DAB1: variants seen among roughly 807,000 people sequenced by gnomAD.
DAB1 encodes the protein DAB adaptor protein 1.
Under a neutral mutation model 64.6 loss-of-function variants are expected in DAB1, and 15 were observed. That is an observed-to-expected ratio of 0.23 (90% CI 0.16 to 0.36). DAB1 has a LOEUF of 0.36. Ranked by LOEUF, DAB1 falls within the 10% of genes least tolerant of loss-of-function variation. The pLI is 1.00. For synonymous variants in DAB1, 235 were observed against 251.9 expected (o/e 0.93, Z 0.64); for missense variants, 596 against 706.7 (o/e 0.84, Z 1.78).
rs186793990 is a variant in DAB1 at position 57,223,187 on chromosome 1, A to G, written c.67+67777T>C. ...CCAAAGGCAAGTGCTATTCAGATGT[A>G]TGATCAATGTGGTCATTTGTTAGAA... On this transcript the variant is annotated intron_variant, in intron 2 of 14. Coordinates refer to ENST00000371236, the MANE Select transcript of DAB1 (RefSeq NM_001365792.1). 2.8e-4 allele frequency among the ~76,000 whole-genome samples: 43 copies of G among 152,336 alleles called. No homozygotes were observed. The East Asian group carries it at 8.3e-3, about 29-fold the overall frequency.
chr1:57,143,228 C>G (rs771725729), intron 3 of DAB1, among the ~76,000 whole-genome samples: 1 of 152,138 alleles, frequency 6.6e-6, no homozygotes, highest in Non-Finnish European at 1.5e-5. Flanking sequence ...GTCCAACACC[C>G]CTGCAAGCCA....
chr1:57,526,569 CATT>C (rs1010748578), intron 7 of DAB1, among the ~76,000 whole-genome samples: 5 of 152,186 alleles, frequency 3.3e-5, no homozygotes, highest in African/African-American at 1.2e-4. Flanking sequence ...ACTTCCAAAG[CATT>C]ATAACTCTGA....
At chr1:57,871,993 T>C (rs1643959014) in intron 1 of DAB1, among the ~76,000 whole-genome samples, 1 of 152,162 alleles carries the variant, frequency 6.6e-6, no homozygotes, top group Non-Finnish European at 1.5e-5. Context: ...AGGTATTGTA[T>C]AGTCTCTAAG....
rs1005282422 is a variant in DAB1, at chr1:58,057,892, G to T, written n.387+92619C>A. Among the ~76,000 whole-genome samples the T allele has an allele frequency of 9.2e-5, 14 of 151,868 alleles. 1 individual carries two copies. The highest frequency in any genetic ancestry group is 3.4e-4 in the African/African-American group (14 of 41,424). On this transcript the variant is annotated intron_variant and non_coding_transcript_variant, in intron 5 of 20. Coordinates refer to the DAB1 transcript ENST00000485760. ...GCATCCTCTCACCTGTTTTCCACTT[G>T]ACCACCTCCTGCTTGCCATTCCTCC...
chr1:57,777,774 A>G (rs1649882156), intron 6 of DAB1, among the ~76,000 whole-genome samples: 1 of 151,872 alleles, frequency 6.6e-6, no homozygotes, highest in Non-Finnish European at 1.5e-5. Context: ...TACTGACTTA[A>G]TTTTTTCTGA....
At chr1:57,300,673 C>T (rs17115565) in intron 1 of DAB1, among the ~76,000 whole-genome samples, 2,456 of 152,208 alleles carry the variant, frequency 0.016, 55 homozygotes, top group African/African-American at 0.056. Context: ...GCGCTTGAAA[C>T]GGATGCTGTA....
At chr1:57,729,659 G>C (rs1251577401) in intron 6 of DAB1, among the ~76,000 whole-genome samples, 1 of 152,222 alleles carries the variant, frequency 6.6e-6, no homozygotes, top group Non-Finnish European at 1.5e-5. Context: ...GCAGGCAGGG[G>C]ACAAGTAGCT....
chr1:58,260,114 A>G (rs1375672475), intron 4 of DAB1, among the ~76,000 whole-genome samples: 1 of 152,078 alleles, frequency 6.6e-6, no homozygotes, highest in Non-Finnish European at 1.5e-5. Context: ...GCATTCCCTA[A>G]ATACAGAAGG....
At chr1:57,846,560 TTTACTCTGCTAAG>T in intron 1 of DAB1, among the ~76,000 whole-genome samples, 1 of 152,212 alleles carries the variant, frequency 6.6e-6, no homozygotes, top group East Asian at 1.9e-4. Context: ...CTCTGTGCTG[TTTACTCTGCTAAG>T]GTCTTTCCAT....
chr1:57,723,225 C>T (rs1333420665), intron 6 of DAB1, among the ~76,000 whole-genome samples: 2 of 152,168 alleles, frequency 1.3e-5, no homozygotes, highest in Admixed American at 6.5e-5. Context: ...TGTGTGACCA[C>T]GGGCAAGTTT....
Position 57,136,644 on chromosome 1 carries a change from G to A in DAB1, c.208-3C>T. ...GAACGAGCGCCAGCAACAACGCCCT[G>A]TTGAAAGGAAGAACATGGTTTTTAC... On this transcript the variant is annotated splice_polypyrimidine_tract_variant and splice_region_variant and intron_variant, in intron 3 of 14. Coordinates refer to ENST00000371236, the MANE Select transcript of DAB1 (RefSeq NM_001365792.1). The A allele has an allele frequency of 6.6e-7, 1 of 1,509,588 alleles. No homozygotes were observed. Among genetic ancestry groups the A allele is most frequent in the Non-Finnish European group, 9.0e-7 (1 of 1,112,880 alleles). 93.5% of individuals were successfully genotyped at this position (1,509,588 alleles called of 1,614,324 possible). A position where few individuals can be genotyped will look rare whatever the true frequency, so the allele number is the denominator to read the frequency against.
At chr1:57,284,091 A>C (rs980925231) in intron 2 of DAB1, among the ~76,000 whole-genome samples, 1 of 152,238 alleles carries the variant, frequency 6.6e-6, no homozygotes, top group African/African-American at 2.4e-5. Flanking sequence ...TTTAATGAGA[A>C]TCATCCTCAT....
At chr1:57,331,977 T>A (rs1303932586) in intron 1 of DAB1, among the ~76,000 whole-genome samples, 1 of 152,234 alleles carries the variant, frequency 6.6e-6, no homozygotes, top group Non-Finnish European at 1.5e-5. Context: ...TTTGTTTGTT[T>A]TTTAAAGACG....
chr1:57,949,564 ACAAT>A (rs1188542268), intron 5 of DAB1, among the ~76,000 whole-genome samples: 9 of 146,322 alleles, frequency 6.2e-5, no homozygotes, highest in African/African-American at 8.0e-5. Context: ...ACACACACAC[ACAAT>A]ATATATATAT....
At chr1:57,588,006 C>T (rs149571944) in intron 7 of DAB1, among the ~76,000 whole-genome samples, 14 of 152,286 alleles carry the variant, frequency 9.2e-5, no homozygotes, top group African/African-American at 3.1e-4. Context: ...CACTTTGTTG[C>T]TCTCCTCTCT....
chr1:57,214,520 C>CA (rs1327830545), intron 2 of DAB1, among the ~76,000 whole-genome samples: 1 of 152,132 alleles, frequency 6.6e-6, no homozygotes, highest in Non-Finnish European at 1.5e-5. Flanking sequence ...CCAGAATAGT[C>CA]ACAATGAGTT....
chr1:57,803,839 C>T (rs1651241970), intron 6 of DAB1, among the ~76,000 whole-genome samples: 1 of 152,180 alleles, frequency 6.6e-6, no homozygotes, highest in Admixed American at 6.5e-5. Context: ...CGGAGACTTC[C>T]TTGCTTTTTC....
intron 3 of DAB1, among the ~76,000 whole-genome samples, chr1:58,476,742 T>C (rs1172422236): frequency 6.6e-6 from 1 of 152,242 alleles, no homozygotes; most frequent in Non-Finnish European, 1.5e-5. Context: ...CCATCTGTCA[T>C]AGACTATTAA....
chr1:57,704,826 A>G (rs1646946427), intron 6 of DAB1, among the ~76,000 whole-genome samples: 1 of 146,698 alleles, frequency 6.8e-6, no homozygotes, highest in Admixed American at 6.9e-5. Flanking sequence ...TGAACTTACT[A>G]TTTGACCAGT....
Sources: allele counts gnomAD v4.1 joint callset (sites outside exome capture counted in the v4.1 genomes callset), GRCh38; gene constraint gnomAD v4.1.1; transcripts MANE v1.5; gene names NCBI Gene and HGNC (gene_info 2026-07-23, HGNC 2026-07-21).